Variants in AFF3 observed in about 807,000 individuals in gnomAD.
AFF3 encodes the protein ALF transcription elongation factor 3.
A neutral mutation model predicts 129.7 loss-of-function variants in AFF3; 32 were observed. The ratio of observed to expected loss-of-function variants is 0.25; its 90% CI spans 0.19 to 0.33. AFF3 has a LOEUF of 0.33. Among genes scored for constraint, AFF3 ranks in the 10% least tolerant of loss-of-function variants. The pLI, the probability that AFF3 is intolerant of heterozygous loss-of-function variation, is 1.00. For synonymous variants in AFF3, 644 were observed against 635.4 expected, an observed-to-expected ratio of 1.01 and a Z score of -0.20; for missense variants, 1,373 against 1,592.0, an observed-to-expected ratio of 0.86 and a Z score of 2.34.
At chr2:99,863,087 C>T (rs907541018) in intron 7 of AFF3, among the ~76,000 whole-genome samples, 1 of 152,200 alleles carries the variant, frequency 6.6e-6, no homozygotes, top group African/African-American at 2.4e-5. Context: ...AGACAGCTGC[C>T]CACCTTGCTC....
intron 11 of AFF3, among the ~76,000 whole-genome samples, chr2:99,689,656 CAAAAAAAAAAAAAAAAAA>C (rs60965683): frequency 1.7e-5 from 1 of 57,286 alleles, no homozygotes; most frequent in Non-Finnish European, 3.0e-5. Context: ...TATTTAATTG[CAAAAAAAAAAAAAAAAAA>C]AAAAAAAAAG....
intron 7 of AFF3, among the ~76,000 whole-genome samples, chr2:99,932,685 T>A (rs1034345500): frequency 6.6e-6 from 1 of 152,040 alleles, no homozygotes; most frequent in Non-Finnish European, 1.5e-5. Context: ...AAACCCGGAG[T>A]GTAGGGACTG....
intron 8 of AFF3, among the ~76,000 whole-genome samples, chr2:99,824,851 G>A (rs1044070757): frequency 2.0e-5 from 3 of 152,146 alleles, no homozygotes; most frequent in Admixed American, 6.5e-5. Context: ...AGTGGGCCCA[G>A]GAATGGAGTT....
In AFF3 at chr2:99,804,109, C is replaced by T. The variant is rs192062082; in HGVS notation, c.921+33368G>A. Among the ~76,000 whole-genome samples the T allele has an allele frequency of 2.9e-4, 44 of 152,262 alleles. 1 individual carries two copies. Among genetic ancestry groups the T allele is most frequent in the South Asian group, 1.7e-3 (8 of 4,820 alleles). On this transcript the variant is annotated intron_variant, in intron 8 of 24. Transcript: ENST00000672756. ...AAATGAGACCTAATTAACTGAGAAG[C>T]TTCTGCATAGCAAAAGAAATAATCA...
At chr2:99,557,621 T>C (rs1188116895) in intron 22 of AFF3, among the ~76,000 whole-genome samples, 1 of 152,226 alleles carries the variant, frequency 6.6e-6, no homozygotes, top group Non-Finnish European at 1.5e-5. Context: ...TCTGGATTTT[T>C]GAACACTATT....
chr2:100,065,281 G>A (rs911617761), intron 4 of AFF3, among the ~76,000 whole-genome samples: 3 of 152,182 alleles, frequency 2.0e-5, no homozygotes, highest in African/African-American at 7.2e-5. Flanking sequence ...ATAAATGACT[G>A]CCTGTCTAGA....
At chr2:100,054,542 AG>A (rs768901138) in intron 4 of AFF3, among the ~76,000 whole-genome samples, 22 of 152,208 alleles carry the variant, frequency 1.4e-4, no homozygotes, top group Non-Finnish European at 2.6e-4. Context: ...GGGTTTTCCT[AG>A]GTCTTAAGTC....
At chr2:99,591,230 A>G (rs1485790055) in intron 15 of AFF3, among the ~76,000 whole-genome samples, 1 of 152,030 alleles carries the variant, frequency 6.6e-6, no homozygotes, top group Non-Finnish European at 1.5e-5. Context: ...TCTGTTGCCT[A>G]GGCTGGAGTG....
intron 5 of AFF3, chr2:100,007,992 AG>A (rs370251925): frequency 5.2e-4 from 84 of 161,592 alleles, no homozygotes; most frequent in African/African-American, 1.9e-3. Flanking sequence ...AAAAAGGAGC[AG>A]GGGGATCTAT....
intron 7 of AFF3, among the ~76,000 whole-genome samples, chr2:99,997,388 G>A (rs1359634874): frequency 6.6e-6 from 1 of 151,956 alleles, no homozygotes; most frequent in Non-Finnish European, 1.5e-5. Context: ...CAACCAAGCT[G>A]TCAGCCAATC....
intron 12 of AFF3, among the ~76,000 whole-genome samples, chr2:99,668,332 C>T (rs1686861662): frequency 6.6e-6 from 1 of 151,840 alleles, no homozygotes; most frequent in African/African-American, 2.4e-5. Flanking sequence ...CCACTATGCC[C>T]AACTAATTTT....
At chr2:99,764,646 A>G (rs961535550) in intron 8 of AFF3, among the ~76,000 whole-genome samples, 2 of 152,198 alleles carry the variant, frequency 1.3e-5, no homozygotes, top group African/African-American at 2.4e-5. Context: ...TAACTTGCAG[A>G]TTGTTCTTAG....
Position 100,019,157 on chromosome 2 carries a change from C to T in AFF3, c.54-10225G>A, listed in dbSNP as rs1409379746. ...CCATACTTCAGGTTGGTCAGTCTCA[C>T]GGACCCAGAAAGCCCAGAGACCCTC... On this transcript the variant is annotated intron_variant, in intron 4 of 24. Transcript: ENST00000672756. 3.9e-5 allele frequency among the ~76,000 whole-genome samples: 6 copies of T among 152,226 alleles called. No individual in the cohort carries two copies. In the East Asian group the frequency reaches 5.8e-4, roughly 15 times the overall value.
intron 7 of AFF3, among the ~76,000 whole-genome samples, chr2:99,981,550 T>C (rs1325344076): frequency 2.0e-5 from 3 of 152,194 alleles, no homozygotes; most frequent in Non-Finnish European, 2.9e-5. Context: ...GGATTTCAAG[T>C]TTTGCCAGTT....
chr2:100,051,387 A>G (rs964136660), intron 4 of AFF3, among the ~76,000 whole-genome samples: 1 of 152,218 alleles, frequency 6.6e-6, no homozygotes, highest in African/African-American at 2.4e-5. Context: ...ATCTGCAGAT[A>G]AATCAGCAGC....
At chr2:100,016,054 A>G (rs1212906805) in intron 4 of AFF3, among the ~76,000 whole-genome samples, 2 of 145,732 alleles carry the variant, frequency 1.4e-5, no homozygotes, top group Admixed American at 1.4e-4. Flanking sequence ...GATGATTGTG[A>G]TAATGGTGGT....
rs1037961125 is a variant in AFF3, at chr2:99,601,437, C to T, written c.1369G>A (p.Glu457Lys). 7.5e-6 allele frequency: 12 copies of T among 1,602,814 alleles called. No homozygotes were observed. The Admixed American group carries it at 8.4e-5, about 11-fold the overall frequency. ...GGCCTGAGCCAGGCAGCGCTTACCT[C>T]GGGGCTGGAGAAGTGGGGGGGCTTG... ...GSKPPHFSSP[E>K]AEPASSNKWQ... The change falls in exon 14 of 25, where the codon GAG (glutamate) becomes AAG (lysine). Residue 457 changes from glutamate to lysine, a missense_variant and splice_region_variant. Physicochemically the swap from Glu to Lys is moderately conservative, Grantham distance 56. Around this residue, in one of 9 missense-constraint regions of AFF3, gnomAD observed 413 missense variants for 424.4 expected, o/e 0.97. Coordinates refer to ENST00000672756, the MANE Select transcript of AFF3 (RefSeq NM_001386135.1).
intron 12 of AFF3, among the ~76,000 whole-genome samples, chr2:99,660,209 C>G (rs1055456776): frequency 6.6e-6 from 1 of 152,194 alleles, no homozygotes; most frequent in African/African-American, 2.4e-5. Context: ...AATATGAAAG[C>G]AACTAGCGCC....
rs554216249 is a variant in AFF3, at chr2:99,551,957, C to A, written c.3560-362G>T. Among the ~76,000 whole-genome samples, 3 of 152,334 alleles carry A rather than the reference C, an allele frequency of 2.0e-5. No homozygotes were observed. In the South Asian group the frequency reaches 6.2e-4, roughly 32 times the overall value. ...TCACCCTGTACTCAATTCTGGTATG[C>A]GCTGAGCCCCTGGAGTGAGTCCAAG... On this transcript the variant is annotated intron_variant, in intron 24 of 24. Transcript: ENST00000672756.
Sources: gnomAD v4.1 joint callset for allele counts (sites outside exome capture counted in the v4.1 genomes callset) on GRCh38, gnomAD v4.1.1 for gene constraint, gnomAD v4.1.1 regional missense constraint, MANE v1.5 for transcripts, NCBI Gene and HGNC (gene_info 2026-07-23, HGNC 2026-07-21) for gene names.